The following CXCL13 variants were observed in gnomAD, a reference collection of about 807,000 sequenced individuals.
The protein encoded by CXCL13 is C-X-C motif chemokine 13.
In CXCL13, 7 loss-of-function variants were observed where a neutral mutation model predicts 12.2. The observed-to-expected ratio is 0.57, with a 90% CI of 0.33 to 1.07. CXCL13 has a LOEUF of 1.07. Among genes scored for constraint, CXCL13 ranks in the 50% least tolerant of loss-of-function variants. CXCL13 has a pLI of 0.04. For synonymous variants in CXCL13, 47 were observed against 42.4 expected (o/e 1.11, Z -0.42); for missense variants, 113 against 127.4 (o/e 0.89, Z 0.55).
intron 1 of CXCL13, among the ~76,000 whole-genome samples, chr4:77,597,167 G>A (rs1019208275): frequency 6.6e-6 from 1 of 152,104 alleles, no homozygotes; most frequent in Non-Finnish European, 1.5e-5. Flanking sequence ...GGGAAATAGA[G>A]AAACATTTAA....
At chr4:77,547,270 A>G (rs764523790) in intron 1 of CXCL13, among the ~76,000 whole-genome samples, 9 of 152,186 alleles carry the variant, frequency 5.9e-5, no homozygotes, top group Non-Finnish European at 1.2e-4. Context: ...GCTGAGTTCA[A>G]TTCCTGGATA....
At chr4:77,537,142 C>T (rs1578042691) in intron 1 of CXCL13, among the ~76,000 whole-genome samples, 1 of 152,110 alleles carries the variant, frequency 6.6e-6, no homozygotes, top group African/African-American at 2.4e-5. Context: ...TTTATAAAAA[C>T]ATGAGCAAGG....
chr4:77,516,092 T>A (rs1455364562), intron 1 of CXCL13, among the ~76,000 whole-genome samples: 1 of 152,218 alleles, frequency 6.6e-6, no homozygotes. Context: ...TTGGTTCTGT[T>A]TATATGCTGG....
chr4:77,513,098 G>A (rs750546625), intron 1 of CXCL13, among the ~76,000 whole-genome samples: 2 of 152,086 alleles, frequency 1.3e-5, no homozygotes, highest in Non-Finnish European at 2.9e-5. Flanking sequence ...TCCCTGAAAA[G>A]GACATGAACT....
At chr4:77,608,818 C>G (rs540530015) in intron 2 of CXCL13, among the ~76,000 whole-genome samples, 5 of 152,296 alleles carry the variant, frequency 3.3e-5, no homozygotes, top group African/African-American at 1.2e-4. Flanking sequence ...TAGCCATGAC[C>G]TACTTGGGAG....
upstream of CXCL13, among the ~76,000 whole-genome samples, chr4:77,601,251 A>T (rs373655345): frequency 3.9e-5 from 6 of 152,352 alleles, no homozygotes; most frequent in African/African-American, 1.2e-4. Flanking sequence ...GTGGCAAAAA[A>T]TAGGCTGTTG....
intron 1 of CXCL13, among the ~76,000 whole-genome samples, chr4:77,570,693 C>A (rs984692478): frequency 1.3e-5 from 2 of 151,840 alleles, no homozygotes; most frequent in Non-Finnish European, 2.9e-5. Flanking sequence ...ACTGGGGCTG[C>A]GCGCAGCGCT....
In CXCL13 at chr4:77,530,430, A is replaced by G. The variant is rs187287277; in HGVS notation, c.-43+18642A>G. On this transcript the variant is annotated intron_variant, in intron 1 of 4. Coordinates refer to the CXCL13 transcript ENST00000286758. ...CTGGACTTTTTTTGGTTGGTAAGCT[A>G]TTAATTATTGCATCAATTTCAGAGC... is the stretch of plus-strand genomic sequence containing the variant. Among the ~76,000 whole-genome samples, 103 of 152,292 alleles carry G rather than the reference A, an allele frequency of 6.8e-4. 1 individual carries two copies. The highest frequency in any genetic ancestry group is 2.2e-3 in the African/African-American group (90 of 41,570).
intron 1 of CXCL13, among the ~76,000 whole-genome samples, chr4:77,600,488 T>C (rs1048757283): frequency 6.6e-6 from 1 of 152,210 alleles, no homozygotes; most frequent in African/African-American, 2.4e-5. Flanking sequence ...GGTTATAACA[T>C]AAATATATGC....
intron 1 of CXCL13, among the ~76,000 whole-genome samples, chr4:77,593,834 C>G (rs772439821): frequency 6.6e-6 from 1 of 152,070 alleles, no homozygotes; most frequent in African/African-American, 2.4e-5. Flanking sequence ...ATCAACCAGT[C>G]GAGGAGAGGT....
At chr4:77,580,576 C>G (rs1428263341) in intron 1 of CXCL13, among the ~76,000 whole-genome samples, 2 of 151,962 alleles carry the variant, frequency 1.3e-5, no homozygotes, top group African/African-American at 4.8e-5. Context: ...CCGCCTCCAT[C>G]AGCCCCTCAA....
At chr4:77,525,217 A>C (rs1158260176) in intron 1 of CXCL13, among the ~76,000 whole-genome samples, 1 of 152,208 alleles carries the variant, frequency 6.6e-6, no homozygotes, top group Admixed American at 6.5e-5. Context: ...CCGTTCATTA[A>C]AAATTACTCA....
chr4:77,519,325 A>G (rs564811914), intron 1 of CXCL13, among the ~76,000 whole-genome samples: 7 of 152,300 alleles, frequency 4.6e-5, no homozygotes, highest in African/African-American at 1.4e-4. Context: ...TTCAAAGCTC[A>G]GATGGAAATG....
chr4:77,570,619 G>T (rs1476390557), intron 1 of CXCL13, among the ~76,000 whole-genome samples: 1 of 152,220 alleles, frequency 6.6e-6, no homozygotes. Flanking sequence ...TTTCTGGGCT[G>T]GCCAAGGCCA....
intron 1 of CXCL13, among the ~76,000 whole-genome samples, chr4:77,542,018 T>C (rs1041679304): frequency 6.6e-5 from 10 of 152,122 alleles, no homozygotes; most frequent in African/African-American, 2.4e-4. Context: ...TTGAATACTA[T>C]TTGTGTATAG....
At position 77,558,373 on chromosome 4, in the gene CXCL13, T is replaced by A. The variant is rs1003173846; in HGVS notation, c.-43+46585T>A. 8.5e-5 allele frequency among the ~76,000 whole-genome samples: 13 copies of A among 152,180 alleles called. No homozygotes were observed. The South Asian group carries it at 1.0e-3, about 12-fold the overall frequency. On this transcript the variant is annotated intron_variant, in intron 1 of 4. Coordinates refer to the CXCL13 transcript ENST00000286758. ...GTGAACTACTTCTAATTTTTTTTTT[T>A]AAGGAGTCTCCCTGTGTCACCCAGA...
At chr4:77,514,186 T>A (rs1486003820) in intron 1 of CXCL13, among the ~76,000 whole-genome samples, 1 of 152,144 alleles carries the variant, frequency 6.6e-6, no homozygotes, top group East Asian at 1.9e-4. Flanking sequence ...GTGCCACATT[T>A]TCTTAATCCA....
intron 1 of CXCL13, among the ~76,000 whole-genome samples, chr4:77,523,431 C>A (rs1021611229): frequency 1.3e-5 from 2 of 151,798 alleles, no homozygotes; most frequent in Non-Finnish European, 2.9e-5. Context: ...TTTTCTCTAA[C>A]CTTGTCTTCT....
In CXCL13 at chr4:77,533,401, T is replaced by C. The variant is rs556944735; in HGVS notation, c.-43+21613T>C. On this transcript the variant is annotated intron_variant, in intron 1 of 4. Transcript: ENST00000286758. ...CCTGATCGTTCCTCTGGAAGTTTTG[T>C]CTCAGAGGAGTACCCGGCCATGTGA... is the stretch of plus-strand genomic sequence containing the variant. Among the ~76,000 whole-genome samples, 3 of 152,292 alleles carry C rather than the reference T, an allele frequency of 2.0e-5. No homozygotes were observed. The East Asian group carries it at 5.8e-4, about 29-fold the overall frequency.
Sources: allele counts gnomAD v4.1 joint callset (sites outside exome capture counted in the v4.1 genomes callset), GRCh38; gene constraint gnomAD v4.1.1; transcripts MANE v1.5; gene names NCBI Gene and HGNC (gene_info 2026-07-23, HGNC 2026-07-21).